The following EYS variants were observed in gnomAD, a reference collection of about 807,000 sequenced individuals.
EYS encodes the protein EGF-like photoreceptor maintenance factor.
Under a neutral mutation model 282.1 loss-of-function variants are expected in EYS, and 250 were observed. That is an observed-to-expected ratio of 0.89 (90% CI 0.80 to 0.98). The LOEUF (loss-of-function observed/expected upper bound fraction) is 0.98, where lower values mean the gene tolerates loss of function less well. EYS is among the 50% of genes least tolerant of loss of function. The probability of loss-of-function intolerance (pLI) is 0.00; values close to 1 mark genes in which losing one functional copy is unlikely to be tolerated. For synonymous variants in EYS, 1,355 were observed against 1,282.9 expected (o/e 1.06, Z -1.20); for missense variants, 4,016 against 3,709.0 (o/e 1.08, Z -2.15).
chr6:63,905,756 TC>T (rs1461597831), intron 35 of EYS, among the ~76,000 whole-genome samples: 1 of 152,226 alleles, frequency 6.6e-6, no homozygotes, highest in Non-Finnish European at 1.5e-5. Context: ...TCGATTTTGA[TC>T]TTTACACTGA....
intron 12 of EYS, among the ~76,000 whole-genome samples, chr6:65,071,062 T>C (rs1430205717): frequency 6.6e-6 from 1 of 151,874 alleles, no homozygotes; most frequent in Non-Finnish European, 1.5e-5. Flanking sequence ...ATGGTCATTC[T>C]TTTATCATTG....
intron 1 of EYS, among the ~76,000 whole-genome samples, chr6:65,704,642 A>C (rs1200026467): frequency 6.6e-6 from 1 of 152,230 alleles, no homozygotes; most frequent in Non-Finnish European, 1.5e-5. Context: ...GCTTTCCCAA[A>C]TAGATAAAAT....
chr6:65,218,776 C>A (rs951436151), intron 12 of EYS, among the ~76,000 whole-genome samples: 2 of 151,832 alleles, frequency 1.3e-5, no homozygotes, highest in African/African-American at 2.4e-5. Flanking sequence ...ACAATGAATT[C>A]TAAATAAAAT....
intron 31 of EYS, among the ~76,000 whole-genome samples, chr6:64,148,079 T>G (rs541385583): frequency 6.6e-6 from 1 of 152,260 alleles, no homozygotes; most frequent in African/African-American, 2.4e-5. Context: ...AATTTTTTTG[T>G]TTATCATATT....
intron 1 of EYS, among the ~76,000 whole-genome samples, chr6:65,675,756 T>G (rs902986576): frequency 2.6e-5 from 4 of 151,876 alleles, no homozygotes; most frequent in African/African-American, 7.2e-5. Flanking sequence ...TGAACCCAAC[T>G]GATACATAGA....
intron 30 of EYS, among the ~76,000 whole-genome samples, chr6:64,293,427 T>C (rs1345664851): frequency 1.3e-5 from 2 of 152,086 alleles, no homozygotes; most frequent in Non-Finnish European, 2.9e-5. Flanking sequence ...TCTGGTGCTT[T>C]CTATCTTTGG....
At chr6:64,793,809 T>G (rs971513733) in intron 22 of EYS, among the ~76,000 whole-genome samples, 1 of 152,158 alleles carries the variant, frequency 6.6e-6, no homozygotes, top group Non-Finnish European at 1.5e-5. Flanking sequence ...TGTTTTTTTT[T>G]GTTTGTTTTG....
At chr6:65,178,647 A>T (rs1765292051) in intron 12 of EYS, among the ~76,000 whole-genome samples, 1 of 152,020 alleles carries the variant, frequency 6.6e-6, no homozygotes, top group Non-Finnish European at 1.5e-5. Context: ...CATTAGACAG[A>T]TCAAAGAGAC....
chr6:64,483,045 A>G (rs779343714), intron 26 of EYS, among the ~76,000 whole-genome samples: 2 of 151,674 alleles, frequency 1.3e-5, no homozygotes, highest in Non-Finnish European at 3.0e-5. Context: ...AATATGATCA[A>G]GTTATGTTTC....
At chr6:63,878,750 C>G (rs1773047936) in intron 35 of EYS, among the ~76,000 whole-genome samples, 1 of 152,184 alleles carries the variant, frequency 6.6e-6, no homozygotes, top group Non-Finnish European at 1.5e-5. Flanking sequence ...GTGTGTGAGG[C>G]TCTATGGGTG....
chr6:63,858,926 T>C (rs1772461490), intron 36 of EYS, among the ~76,000 whole-genome samples: 1 of 152,086 alleles, frequency 6.6e-6, no homozygotes, highest in Admixed American at 6.6e-5. Flanking sequence ...TGTCCCTAAA[T>C]AGCCTGGTGA....
chr6:64,950,575 T>G (rs1769453308), intron 14 of EYS, among the ~76,000 whole-genome samples: 1 of 151,144 alleles, frequency 6.6e-6, no homozygotes, highest in Admixed American at 6.6e-5. Flanking sequence ...CAAGAAAATC[T>G]TTTAGAGAAA....
intron 10 of EYS, among the ~76,000 whole-genome samples, chr6:65,339,611 G>A (rs1770123242): frequency 6.6e-6 from 1 of 150,998 alleles, no homozygotes; most frequent in Non-Finnish European, 1.5e-5. Flanking sequence ...GCATACACTG[G>A]GGTCTTGGAA....
intron 1 of EYS, among the ~76,000 whole-genome samples, chr6:65,674,399 C>T (rs141991349): frequency 4.8e-5 from 6 of 124,778 alleles, no homozygotes; most frequent in South Asian, 2.6e-4. Context: ...TGCAGTGAGG[C>T]GAGATCACAC....
At chr6:65,284,447 AT>A (rs1228885412) in intron 12 of EYS, among the ~76,000 whole-genome samples, 1 of 151,994 alleles carries the variant, frequency 6.6e-6, no homozygotes, top group African/African-American at 2.4e-5. Flanking sequence ...TTTAAAAACT[AT>A]TTTTACCATG....
chr6:65,525,322 C>G (rs9363385), intron 2 of EYS, among the ~76,000 whole-genome samples: 59,723 of 151,882 alleles, frequency 0.39, 12,698 homozygotes, highest in African/African-American at 0.57. Flanking sequence ...CCAAGCATCT[C>G]AGTGAAAACA....
At chr6:65,687,258 A>C (rs1042709493) in intron 1 of EYS, among the ~76,000 whole-genome samples, 1 of 152,088 alleles carries the variant, frequency 6.6e-6, no homozygotes, top group Non-Finnish European at 1.5e-5. Context: ...CATACTAAAA[A>C]TGCAAGGTTA....
chr6:64,578,874 A>C (rs1032901444), intron 26 of EYS, among the ~76,000 whole-genome samples: 1 of 152,124 alleles, frequency 6.6e-6, no homozygotes, highest in African/African-American at 2.4e-5. Flanking sequence ...GTAATATCTT[A>C]ATTACTGACA....
intron 9 of EYS, among the ~76,000 whole-genome samples, chr6:65,347,463 T>C (rs962414927): frequency 2.0e-5 from 3 of 151,816 alleles, no homozygotes; most frequent in African/African-American, 7.2e-5. Flanking sequence ...ATGTCTTTCA[T>C]AAGCAGATAT....
Sources: gnomAD v4.1 joint callset for allele counts (sites outside exome capture counted in the v4.1 genomes callset) on GRCh38, gnomAD v4.1.1 for gene constraint, MANE v1.5 for transcripts, NCBI Gene and HGNC (gene_info 2026-07-23, HGNC 2026-07-21) for gene names.